APOO: variants seen among roughly 807,000 people sequenced by gnomAD.
APOO encodes the protein MICOS complex subunit MIC26.
A neutral mutation model predicts 23.1 loss-of-function variants in APOO; 11 were observed. That is an observed-to-expected ratio of 0.48 (90% confidence interval 0.30 to 0.79). APOO has a LOEUF of 0.79. Ranked by LOEUF, APOO falls within the 30% of genes least tolerant of loss-of-function variation. The pLI, the probability that APOO is intolerant of heterozygous loss-of-function variation, is 0.07. For missense variants in APOO, 160 were observed against 142.7 expected, an observed-to-expected ratio of 1.12 and a Z score of -0.62; for synonymous variants, 59 against 54.8, an observed-to-expected ratio of 1.08 and a Z score of -0.34.
chrX:23,878,186 G>A (rs943194070), intron 3 of APOO, among the ~76,000 whole-genome samples: 16 of 111,891 alleles, frequency 1.4e-4, no homozygotes, highest in African/African-American at 4.5e-4. Flanking sequence ...GAAAAACTTC[G>A]CAATTTTTAT....
intron 5 of APOO, among the ~76,000 whole-genome samples, chrX:23,862,276 C>T (rs1035442149): frequency 9.1e-6 from 1 of 109,737 alleles, no homozygotes; most frequent in Non-Finnish European, 1.9e-5. Flanking sequence ...AAAGCCACTA[C>T]ATTAAAAGAA....
At chrX:23,907,115 AT>A (rs1171017565) in intron 1 of APOO, among the ~76,000 whole-genome samples, 9 of 111,770 alleles carry the variant, frequency 8.1e-5, no homozygotes, top group Non-Finnish European at 7.5e-5. Flanking sequence ...GTAAAAGTCG[AT>A]TTTTTTCCAA....
intron 5 of APOO, among the ~76,000 whole-genome samples, chrX:23,861,713 A>C (rs1925046067): frequency 9.5e-6 from 1 of 105,130 alleles, no homozygotes; most frequent in Non-Finnish European, 1.9e-5. Flanking sequence ...CCCTGGGTGC[A>C]CCCTTGTATA....
intron 7 of APOO, among the ~76,000 whole-genome samples, chrX:23,855,152 C>T (rs1924726972): frequency 9.3e-6 from 1 of 107,254 alleles, no homozygotes; most frequent in Admixed American, 1.0e-4. Flanking sequence ...AGCAATCCTC[C>T]CACCTCAGCC....
chrX:23,900,674 CAAAAAAAAAAA>C (rs967658475), intron 1 of APOO, among the ~76,000 whole-genome samples: 1 of 24,811 alleles, frequency 4.0e-5, no homozygotes, highest in Non-Finnish European at 8.1e-5. Context: ...GACTCCGGCT[CAAAAAAAAAAA>C]AAAAAAAAAA....
intron 7 of APOO, chrX:23,840,876 T>C (rs1346394763): frequency 8.9e-6 from 1 of 112,232 alleles, no homozygotes; most frequent in Non-Finnish European, 1.9e-5. Context: ...ACATGTTTAC[T>C]CTGAAAGAAG....
chrX:23,895,991 C>T (rs1415865263), intron 1 of APOO, among the ~76,000 whole-genome samples: 1 of 110,570 alleles, frequency 9.0e-6, no homozygotes, highest in Non-Finnish European at 1.9e-5. Flanking sequence ...ATGTTAGGGC[C>T]GGGCGCAGTG....
chrX:23,900,431 T>C (rs1018373133), intron 1 of APOO, among the ~76,000 whole-genome samples: 1 of 110,691 alleles, frequency 9.0e-6, no homozygotes, highest in African/African-American at 3.3e-5. Flanking sequence ...CCCAGCACTT[T>C]GGGAGGCCAA....
intron 1 of APOO, among the ~76,000 whole-genome samples, chrX:23,906,331 A>T (rs1164436334): frequency 8.9e-6 from 1 of 112,913 alleles, no homozygotes. Flanking sequence ...AACTAAAGGA[A>T]GTGCTCAATT....
At chrX:23,842,799 A>G (rs968498742) in intron 7 of APOO, among the ~76,000 whole-genome samples, 1 of 112,285 alleles carries the variant, frequency 8.9e-6, no homozygotes, top group Non-Finnish European at 1.9e-5. Context: ...ACCTGAGGTC[A>G]GGAGTTCGAG....
chrX:23,885,923 G>C (rs1385006267), intron 1 of APOO, among the ~76,000 whole-genome samples: 1 of 111,355 alleles, frequency 9.0e-6, no homozygotes, highest in Non-Finnish European at 1.9e-5. Flanking sequence ...ACCTACAAAT[G>C]AACACTCCCC....
intron 1 of APOO, among the ~76,000 whole-genome samples, chrX:23,882,752 C>G (rs775314636): frequency 6.4e-5 from 7 of 109,982 alleles, no homozygotes; most frequent in Non-Finnish European, 1.3e-4. Context: ...GGTTCAAGCA[C>G]TCCTCCTGTC....
intron 1 of APOO, among the ~76,000 whole-genome samples, chrX:23,902,999 A>G (rs1037992505): frequency 4.5e-5 from 5 of 112,083 alleles, no homozygotes; most frequent in Non-Finnish European, 9.4e-5. Flanking sequence ...CGAAAACACA[A>G]GAACCATTCA....
At position 23,881,885 on chromosome X, in the gene APOO, T is replaced by G. The variant is rs773615267; in HGVS notation, c.10-933A>C. On this transcript the variant is annotated intron_variant, in intron 1 of 8. Coordinates refer to ENST00000379226, the MANE Select transcript of APOO (RefSeq NM_024122.5). ...ATCACCTGCACCTGGGAGGTGGAGGTTGCAGTGAACCAAGATTGTGCCACC... is the reference window on the plus strand; with the variant it reads ...ATCACCTGCACCTGGGAGGTGGAGGGTGCAGTGAACCAAGATTGTGCCACC... Among the ~76,000 whole-genome samples, 153 of 90,286 alleles carry G rather than the reference T, an allele frequency of 1.7e-3. 2 individuals carry two copies. In the Middle Eastern group the frequency reaches 0.02, roughly 12 times the overall value. The allele number at this position is 90,286 out of a possible 115,157, so 78.4% of individuals were successfully genotyped here. A position where few individuals can be genotyped will look rare whatever the true frequency, so the allele number is the denominator to read the frequency against.
chrX:23,865,531 G>A (rs1925296209), intron 5 of APOO, among the ~76,000 whole-genome samples: 1 of 109,545 alleles, frequency 9.1e-6, no homozygotes, highest in Admixed American at 9.8e-5. Flanking sequence ...CCGAACCCAG[G>A]AGGCAGGGTT....
Position 23,907,758 on chromosome X carries a change from TAG to T in APOO, c.-58_-57del. ...ACCCCGGCCTCGGCCACGCCCACTA[TAG>T]AGAGGTGACTACGGAGGCCCGGTAG... On this transcript the variant is annotated 5_prime_UTR_variant, in exon 1 of 9. Coordinates refer to ENST00000379226, the MANE Select transcript of APOO (RefSeq NM_024122.5). The T allele has an allele frequency of 1.8e-6, 2 of 1,135,298 alleles. No individual in the cohort carries two copies. Among genetic ancestry groups the T allele is most frequent in the Non-Finnish European group, 1.2e-6 (1 of 856,477 alleles). 93.6% of individuals were successfully genotyped at this position (1,135,298 alleles called of 1,213,427 possible). A position where few individuals can be genotyped will look rare whatever the true frequency, so the allele number is the denominator to read the frequency against.
At chrX:23,879,314 T>C (rs559045405) in intron 2 of APOO, among the ~76,000 whole-genome samples, 12 of 111,513 alleles carry the variant, frequency 1.1e-4, no homozygotes, top group African/African-American at 3.9e-4. Flanking sequence ...TAGGCGCCTG[T>C]AATCCCAGCT....
intron 1 of APOO, among the ~76,000 whole-genome samples, chrX:23,888,228 T>C (rs1926459330): frequency 8.9e-6 from 1 of 112,175 alleles, no homozygotes; most frequent in Non-Finnish European, 1.9e-5. Flanking sequence ...TTGGGTTAGA[T>C]GAGGCCCTAA....
At chrX:23,898,844 G>T (rs542948897) in intron 1 of APOO, among the ~76,000 whole-genome samples, 3 of 112,183 alleles carry the variant, frequency 2.7e-5, no homozygotes, top group African/African-American at 9.7e-5. Context: ...TAGGAGAGGA[G>T]ACTCATTTTC....
Sources: allele counts gnomAD v4.1 joint callset (sites outside exome capture counted in the v4.1 genomes callset), GRCh38; gene constraint gnomAD v4.1.1; transcripts MANE v1.5; gene names NCBI Gene and HGNC (gene_info 2026-07-23, HGNC 2026-07-21).